The following DAPK2 variants were observed in gnomAD, a reference collection of about 807,000 sequenced individuals.
The protein encoded by DAPK2 is death associated protein kinase 2, also known as death-associated protein kinase 2.
Under a neutral mutation model 44.1 loss-of-function variants are expected in DAPK2, and 35 were observed. The ratio of observed to expected loss-of-function variants is 0.79; its 90% confidence interval spans 0.61 to 1.05. The LOEUF (loss-of-function observed/expected upper bound fraction) is 1.05, where lower values mean the gene tolerates loss of function less well. Among genes scored for constraint, DAPK2 ranks in the 50% least tolerant of loss-of-function variants. The pLI is 0.00. For synonymous variants in DAPK2, 174 were observed against 182.6 expected, an observed-to-expected ratio of 0.95 and a Z score of 0.38; for missense variants, 453 against 483.2, an observed-to-expected ratio of 0.94 and a Z score of 0.59.
intron 3 of DAPK2, among the ~76,000 whole-genome samples, chr15:63,947,694 T>A (rs1464469335): frequency 6.6e-6 from 1 of 152,242 alleles, no homozygotes; most frequent in Admixed American, 6.5e-5. Context: ...AAGTGGCCTA[T>A]AGGTGTTATC....
chr15:64,032,477 C>T (rs1283314900), intron 1 of DAPK2, among the ~76,000 whole-genome samples: 1 of 152,176 alleles, frequency 6.6e-6, no homozygotes, highest in Admixed American at 6.5e-5. Flanking sequence ...TAAACAAGTG[C>T]CAGATAAGCC....
intron 2 of DAPK2, among the ~76,000 whole-genome samples, chr15:63,976,942 G>T (rs1400658545): frequency 6.6e-6 from 1 of 152,168 alleles, no homozygotes; most frequent in Non-Finnish European, 1.5e-5. Context: ...AATAGGCAGG[G>T]TATCTCCTCT....
rs146547728 is a variant in DAPK2 at position 63,911,176 on chromosome 15, G to A, written c.1032+732C>T. ...AGAGGTTGCGGTGAGCCGAGATCGC[G>A]CCATTGCACTCCAACCTAAGCAATA... On this transcript the variant is annotated intron_variant, in intron 10 of 10. Transcript: ENST00000261891. 5.5e-3 allele frequency: 800 copies of A among 144,742 alleles called. 9 individuals are homozygous for A. The highest frequency in any genetic ancestry group is 0.019 in the African/African-American group (747 of 39,352). 9.0% of individuals were successfully genotyped at this position (144,742 alleles called of 1,614,324 possible). A position where few individuals can be genotyped will look rare whatever the true frequency, so the allele number is the denominator to read the frequency against.
intron 1 of DAPK2, among the ~76,000 whole-genome samples, chr15:64,023,474 AAG>A (rs759750968): frequency 3.9e-5 from 6 of 152,252 alleles, no homozygotes; most frequent in Admixed American, 1.3e-4. Flanking sequence ...AGCAAAGGCA[AAG>A]AGAGAGAATT....
chr15:63,983,147 C>T (rs1334237239), intron 2 of DAPK2, among the ~76,000 whole-genome samples: 2 of 152,178 alleles, frequency 1.3e-5, no homozygotes, highest in African/African-American at 4.8e-5. Flanking sequence ...AGTACACAGC[C>T]CTCGCTGACA....
chr15:63,937,487 T>C (rs917697003), intron 4 of DAPK2, among the ~76,000 whole-genome samples: 1 of 152,212 alleles, frequency 6.6e-6, no homozygotes, highest in Non-Finnish European at 1.5e-5. Context: ...GGACAGTGAC[T>C]TGTCCCTGAT....
chr15:63,947,229 T>A (rs1442917051), intron 3 of DAPK2, among the ~76,000 whole-genome samples: 3 of 151,804 alleles, frequency 2.0e-5, no homozygotes, highest in Non-Finnish European at 4.4e-5. Context: ...ATGATCTCCC[T>A]CCCCTCCAAC....
At chr15:63,987,541 C>A (rs1031654120) in intron 1 of DAPK2, among the ~76,000 whole-genome samples, 4 of 152,190 alleles carry the variant, frequency 2.6e-5, no homozygotes, top group Non-Finnish European at 5.9e-5. Context: ...ACAATCAATA[C>A]CTATGCATGG....
intron 1 of DAPK2, among the ~76,000 whole-genome samples, chr15:63,986,163 C>A (rs1252675168): frequency 6.6e-6 from 1 of 152,216 alleles, no homozygotes; most frequent in Non-Finnish European, 1.5e-5. Flanking sequence ...AGAGAACACC[C>A]TCCACCAGAC....
chr15:64,040,284 C>T (rs933205924), upstream of DAPK2: 9 of 1,607,662 alleles, frequency 5.6e-6, no homozygotes, highest in African/African-American at 6.7e-5. Flanking sequence ...TGGGAAGAAA[C>T]CTGTGGTTAG....
At position 64,020,030 on chromosome 15, in the gene DAPK2, A is replaced by C. The variant is rs1883143807; in HGVS notation, c.92+20140T>G. Among the ~76,000 whole-genome samples the C allele has an allele frequency of 6.6e-6, 1 of 152,194 alleles. No homozygotes were observed. Among genetic ancestry groups the C allele is most frequent in the South Asian group, 2.1e-4 (1 of 4,832 alleles). ...AACCACTGTGTCTAATCTCAGCAGA[A>C]GCAGTCTCAGTGGCACCCGCAGGCT... On this transcript the variant is annotated intron_variant, in intron 1 of 10. Coordinates refer to ENST00000261891, the Ensembl canonical transcript of DAPK2. The surrounding 1 kb of genome is among the most constrained non-coding windows in gnomAD (Gnocchi z 4.5).
intron 4 of DAPK2, among the ~76,000 whole-genome samples, chr15:63,936,673 A>T (rs1276567245): frequency 6.7e-6 from 1 of 149,960 alleles, no homozygotes; most frequent in Non-Finnish European, 1.5e-5. Context: ...GAAAAAGAAA[A>T]TTTTTCTCAA....
At chr15:63,943,692 G>A (rs1174039078) in intron 3 of DAPK2, among the ~76,000 whole-genome samples, 1 of 143,406 alleles carries the variant, frequency 7.0e-6, no homozygotes, top group Non-Finnish European at 1.5e-5. Context: ...GGTCAACATG[G>A]TGAAACCCCG....
chr15:64,032,047 T>C (rs2080031098), intron 1 of DAPK2, among the ~76,000 whole-genome samples: 1 of 152,184 alleles, frequency 6.6e-6, no homozygotes, highest in South Asian at 2.1e-4. Flanking sequence ...TATGAGTATC[T>C]GTAGGTGTTA....
At chr15:64,027,747 A>T (rs533049158) in intron 1 of DAPK2, among the ~76,000 whole-genome samples, 16 of 152,216 alleles carry the variant, frequency 1.1e-4, no homozygotes, top group Non-Finnish European at 2.2e-4. Context: ...CACAAAAACA[A>T]TAAAAGAGTA....
Position 63,908,417 on chromosome 15 carries a change from T to C in DAPK2, c.*103A>G. The C allele has an allele frequency of 1.5e-6, 1 of 653,718 alleles. No individual in the cohort carries two copies. The allele number at this position is 653,718 out of a possible 1,614,324, so 40.5% of individuals were successfully genotyped here. Reference sequence around the variant, plus strand: ...TGGGCCCATCTCTCTTGCAAAGTGCTCAGGACGCCCGGGTGCTGGTGCTGA... The same window carrying C: ...TGGGCCCATCTCTCTTGCAAAGTGCCCAGGACGCCCGGGTGCTGGTGCTGA... On this transcript the variant is annotated 3_prime_UTR_variant, in exon 11 of 11. Coordinates refer to ENST00000261891, the Ensembl canonical transcript of DAPK2. The surrounding 1 kb of genome is among the most constrained non-coding windows in gnomAD (Gnocchi z 5.7).
chr15:63,938,514 G>C (rs2077222517), intron 4 of DAPK2, among the ~76,000 whole-genome samples: 1 of 152,162 alleles, frequency 6.6e-6, no homozygotes, highest in Non-Finnish European at 1.5e-5. Flanking sequence ...AGAAGTTTTA[G>C]CACCCAGATT....
intron 3 of DAPK2, among the ~76,000 whole-genome samples, chr15:63,950,687 C>A (rs1046173812): frequency 6.6e-6 from 1 of 152,100 alleles, no homozygotes; most frequent in Middle Eastern, 3.4e-3. Flanking sequence ...ACTTGGTGAC[C>A]TCCAGCTTTG....
At chr15:63,964,335 G>A (rs547554697) in intron 3 of DAPK2, among the ~76,000 whole-genome samples, 24 of 152,060 alleles carry the variant, frequency 1.6e-4, no homozygotes, top group Non-Finnish European at 2.9e-4. Context: ...GAGTTTCATC[G>A]TATGTTGTTT....
Sources: allele counts gnomAD v4.1 joint callset (sites outside exome capture counted in the v4.1 genomes callset), GRCh38; gene constraint gnomAD v4.1.1; non-coding constraint Gnocchi (gnomAD v3.1); transcripts MANE v1.5; gene names NCBI Gene and HGNC (gene_info 2026-07-23, HGNC 2026-07-21).